PFKP: variants seen among roughly 807,000 people sequenced by gnomAD.
PFKP encodes phosphofructokinase, platelet, also known as ATP-dependent 6-phosphofructokinase, platelet type.
A neutral mutation model predicts 94.3 loss-of-function variants in PFKP; 101 were observed. The observed-to-expected ratio is 1.07, with a 90% CI of 0.91 to 1.26. PFKP has a LOEUF of 1.26. Ranked by LOEUF, PFKP falls within the 50% of genes most tolerant of loss-of-function variation. PFKP has a pLI of 0.00. For synonymous variants in PFKP, 573 were observed against 432.6 expected (o/e 1.32, Z -4.03); for missense variants, 1,145 against 1,103.3 (o/e 1.04, Z -0.53).
intron 14 of PFKP, 31 bp downstream of exon 14, chr10:3,116,877 C>G: frequency 6.7e-7 from 1 of 1,495,736 alleles, no homozygotes. Flanking sequence ...CTATGACCTG[C>G]TTTTAAGGAA....
chr10:3,118,535 T>A lies in PFKP; in HGVS notation c.1443-247T>A, dbSNP rs995395071. Among the ~76,000 whole-genome samples the A allele has an allele frequency of 2.0e-5, 3 of 152,346 alleles. No individual in the cohort carries two copies. The South Asian group carries it at 6.2e-4, about 32-fold the overall frequency. ...TTTTCTAATGGGGCAGTAGAGTTCT[T>A]TTTAGGTCAAGGTATGAGCTGAAAT... is the stretch of plus-strand genomic sequence containing the variant. On this transcript the variant is annotated intron_variant, in intron 14 of 21. Coordinates refer to ENST00000381125, the MANE Select transcript of PFKP (RefSeq NM_002627.5).
chr10:3,073,282 GTC>G (rs1285379077), intron 1 of PFKP, among the ~76,000 whole-genome samples: 1 of 151,902 alleles, frequency 6.6e-6, no homozygotes, highest in African/African-American at 2.4e-5. Flanking sequence ...TCCTCTCCCT[GTC>G]TCTGTCTTCC....
At chr10:3,098,283 G>A (rs1834661905) in intron 2 of PFKP, among the ~76,000 whole-genome samples, 1 of 152,148 alleles carries the variant, frequency 6.6e-6, no homozygotes, top group Non-Finnish European at 1.5e-5. Context: ...AAATGCTGTG[G>A]AAAGTGAGTT....
At chr10:3,098,707 C>T (rs927638111) in intron 2 of PFKP, among the ~76,000 whole-genome samples, 2 of 146,876 alleles carry the variant, frequency 1.4e-5, no homozygotes, top group African/African-American at 5.0e-5. Context: ...TGTCCTTGGG[C>T]TTCTTCTATC....
At chr10:3,076,776 GCCCTACAGATTTATCTC>G (rs1455914508) in intron 1 of PFKP, among the ~76,000 whole-genome samples, 1 of 152,142 alleles carries the variant, frequency 6.6e-6, no homozygotes, top group Non-Finnish European at 1.5e-5. Context: ...TGAGTGAAGA[GCCCTACAGATTTATCTC>G]AAGCCCTCCC....
chr10:3,091,774 A>G (rs991182088), intron 2 of PFKP, among the ~76,000 whole-genome samples: 2 of 152,084 alleles, frequency 1.3e-5, no homozygotes, highest in Non-Finnish European at 2.9e-5. Context: ...TGACAGAGCG[A>G]GACTGTGTCA....
intron 2 of PFKP, among the ~76,000 whole-genome samples, chr10:3,091,000 A>C (rs1201379724): frequency 6.6e-6 from 1 of 152,132 alleles, no homozygotes; most frequent in Non-Finnish European, 1.5e-5. Context: ...GTGTGAAGAA[A>C]GTATTAACCT....
intron 20 of PFKP, 109 bp downstream of exon 20, chr10:3,134,691 C>A: frequency 2.9e-6 from 2 of 695,248 alleles, no homozygotes; most frequent in Non-Finnish European, 5.1e-6. Flanking sequence ...TTCTTCAGTT[C>A]AGTACTGAGC....
chr10:3,096,653 GC>G (rs57644735), intron 2 of PFKP, among the ~76,000 whole-genome samples: 3 of 150,512 alleles, frequency 2.0e-5, no homozygotes, highest in South Asian at 2.1e-4. Flanking sequence ...TTGTTTCCTT[GC>G]CCCCCCGAGC....
chr10:3,085,104 G>A (rs111218167), intron 2 of PFKP, among the ~76,000 whole-genome samples: 10 of 30 alleles, frequency 0.33, 4 homozygotes, highest in Admixed American at 1. Flanking sequence ...TCCCCAGCAC[G>A]GTCCGCCACT....
At chr10:3,118,203 TCA>T (rs889553604) in intron 14 of PFKP, among the ~76,000 whole-genome samples, 2 of 152,186 alleles carry the variant, frequency 1.3e-5, no homozygotes, top group African/African-American at 4.8e-5. Flanking sequence ...GCACGGCGGC[TCA>T]CACCTGTAAC....
In PFKP at chr10:3,129,803, G is replaced by A. The variant is rs2279211; in HGVS notation, c.1684-16G>A. 182 of 1,612,438 alleles carry A rather than the reference G, an allele frequency of 1.1e-4. No individual in the cohort carries two copies. In the African/African-American group the frequency reaches 1.7e-3, roughly 15 times the overall value. On this transcript the variant is annotated splice_polypyrimidine_tract_variant and intron_variant, in intron 16 of 21. Transcript: ENST00000381125. Reference sequence around the variant, plus strand: ...CGGGCCTGGGCTGGAGTGACTGATCGCTTCTCTGTGACCAGACCTGCGACC... The same window carrying A: ...CGGGCCTGGGCTGGAGTGACTGATCACTTCTCTGTGACCAGACCTGCGACC...
chr10:3,102,207 C>T (rs1309148655), intron 4 of PFKP, among the ~76,000 whole-genome samples: 11 of 133,458 alleles, frequency 8.2e-5, no homozygotes, highest in South Asian at 2.7e-4. Context: ...GCCGAGGTCC[C>T]GCCACTGCAC....
intron 6 of PFKP, 22 bp from the exon 7 acceptor site, chr10:3,105,371 T>C (rs200229357): frequency 9.3e-5 from 147 of 1,588,748 alleles, no homozygotes; most frequent in Non-Finnish European, 1.2e-4. Flanking sequence ...GGGGTGTTGA[T>C]GCTGTTGCCT....
At chr10:3,100,339 C>T (rs1834874380) in intron 3 of PFKP, among the ~76,000 whole-genome samples, 1 of 152,142 alleles carries the variant, frequency 6.6e-6, no homozygotes, top group Admixed American at 6.5e-5. Flanking sequence ...GTCTCGGTCA[C>T]ACTTGGTGCC....
chr10:3,136,567 C>G lies in PFKP; in HGVS notation c.2343C>G (p.Pro781=). ...CAGGCCAGCTGGAACATGTGCAGCCCTGGAGTGTCTGACCCAGTCCCGCCT... is the reference window on the plus strand; with the variant it reads ...CAGGCCAGCTGGAACATGTGCAGCCGTGGAGTGTCTGACCCAGTCCCGCCT... ...SDSGQLEHVQ[P]WSV The change falls in exon 22 of 22, where the codon CCC becomes CCG. Residue 781 remains proline, a synonymous_variant. Transcript: ENST00000381125. 1 of 1,613,390 alleles carries G rather than the reference C, an allele frequency of 6.2e-7. No homozygotes were observed. The highest frequency in any genetic ancestry group is 8.5e-7 in the Non-Finnish European group (1 of 1,179,656).
At chr10:3,070,595 A>G (rs1351953774) in intron 1 of PFKP, among the ~76,000 whole-genome samples, 3 of 152,236 alleles carry the variant, frequency 2.0e-5, no homozygotes, top group Admixed American at 6.5e-5. Context: ...GCCTAAATAC[A>G]TGATCCCAAG....
intron 8 of PFKP, among the ~76,000 whole-genome samples, chr10:3,108,440 C>T (rs1053080013): frequency 4.6e-5 from 7 of 152,016 alleles, no homozygotes; most frequent in African/African-American, 1.2e-4. Context: ...TTTAAAGCAA[C>T]GAACATATTA....
chr10:3,118,852 A>C lies in PFKP; in HGVS notation c.1513A>C (p.Ile505Leu). Residue 505 changes from isoleucine to leucine, a missense_variant, in exon 15 of 22, where the codon ATC (isoleucine) becomes CTC (leucine). This residue lies in a region of PFKP where 1,119 missense variants were observed against 1,062.8 expected (regional missense o/e 1.05). Coordinates refer to ENST00000381125, the MANE Select transcript of PFKP (RefSeq NM_002627.5). ...CACGCACAGCATCAACGCGCTGCTG[A>C]TCATCGGTGGATTCGAGGTACGTTA... is the stretch of plus-strand genomic sequence containing the variant. ...MRTHSINALL[I>L]IGGFEAYLGL... is the part of the protein sequence containing the mutation. 6.2e-7 allele frequency: 1 copy of C among 1,612,866 alleles called. No individual in the cohort carries two copies.
Sources: gnomAD v4.1 joint callset for allele counts (sites outside exome capture counted in the v4.1 genomes callset) on GRCh38, gnomAD v4.1.1 for gene constraint, gnomAD v4.1.1 regional missense constraint, MANE v1.5 for transcripts, NCBI Gene and HGNC (gene_info 2026-07-23, HGNC 2026-07-21) for gene names.